MYO1H: variants seen among roughly 807,000 people sequenced by gnomAD.
MYO1H encodes myosin IH.
Under a neutral mutation model 149.3 loss-of-function variants are expected in MYO1H, and 118 were observed. That is an observed-to-expected ratio of 0.79 (90% CI 0.68 to 0.92). The LOEUF is 0.92. Ranked by LOEUF, MYO1H falls within the 40% of genes least tolerant of loss-of-function variation. The probability of loss-of-function intolerance (pLI) is 0.00; values close to 1 mark genes in which losing one functional copy is unlikely to be tolerated. For missense variants in MYO1H, 1,212 were observed against 1,280.7 expected (o/e 0.95, Z 0.82); for synonymous variants, 447 against 465.2 (o/e 0.96, Z 0.50).
chr12:109,364,433 T>A (rs1868823870), intron 1 of MYO1H, among the ~76,000 whole-genome samples: 1 of 152,088 alleles, frequency 6.6e-6, no homozygotes, highest in Admixed American at 6.6e-5. Flanking sequence ...GGCTCAATCC[T>A]CCCACCTCAG....
At chr12:109,330,300 A>C in the MYO1H span, among the ~76,000 whole-genome samples, 4 of 152,234 alleles carry the variant, frequency 2.6e-5, no homozygotes, top group African/African-American at 9.6e-5. Flanking sequence ...ACATATATAC[A>C]TACACACATG....
intron 1 of MYO1H, among the ~76,000 whole-genome samples, chr12:109,384,224 C>A (rs1465943213): frequency 6.6e-6 from 1 of 152,210 alleles, no homozygotes; most frequent in African/African-American, 2.4e-5. Context: ...TTGACTCAGT[C>A]ATGGTACCTG....
chr12:109,431,583 G>A (rs1044737264), intron 19 of MYO1H, among the ~76,000 whole-genome samples: 1 of 152,142 alleles, frequency 6.6e-6, no homozygotes, highest in African/African-American at 2.4e-5. Flanking sequence ...CCGCTCCGGA[G>A]CTGGGCTGGA....
At chr12:109,402,520 C>T (rs1430827167) in intron 6 of MYO1H, among the ~76,000 whole-genome samples, 1 of 152,172 alleles carries the variant, frequency 6.6e-6, no homozygotes. Context: ...TGTATCCCAA[C>T]ACTTTGGGAG....
the MYO1H span, among the ~76,000 whole-genome samples, chr12:109,323,535 G>T: frequency 1.3e-5 from 2 of 152,182 alleles, no homozygotes; most frequent in Non-Finnish European, 2.9e-5. Context: ...TAGGTCCCTT[G>T]AGGATCTTAT....
intron 2 of MYO1H, 111 bp from the exon 3 acceptor site, chr12:109,393,220 C>A: frequency 1.4e-6 from 1 of 704,144 alleles, no homozygotes; most frequent in Non-Finnish European, 2.5e-6. Context: ...GAGACCCCGC[C>A]TGATTTATCA....
In MYO1H at chr12:109,427,472, A is replaced by T. The variant is rs755484306; in HGVS notation, c.1835A>T (p.Lys612Ile). ...TCTCTGTTCTATTTCTCCAAAGGCA[A>T]ATTTGATGACTTCCTCATAAGGCAT... Residue 612 changes from lysine (K) to isoleucine (I), a missense_variant, in exon 19 of 32, where the codon AAA (lysine) becomes ATA (isoleucine). Physicochemically the swap from Lys to Ile is moderately radical, Grantham distance 102. Coordinates refer to ENST00000310903, the Ensembl canonical transcript of MYO1H. 15 of 1,608,210 alleles carry T rather than the reference A, an allele frequency of 9.3e-6. No individual in the cohort carries two copies. In the Admixed American group the frequency reaches 1.7e-4, roughly 18 times the overall value.
At chr12:109,382,225 A>G (rs1288938567) in intron 1 of MYO1H, among the ~76,000 whole-genome samples, 1 of 152,172 alleles carries the variant, frequency 6.6e-6, no homozygotes, top group Non-Finnish European at 1.5e-5. Flanking sequence ...GCCAAAACCA[A>G]TCAATCTTGT....
At chr12:109,343,878 A>G (rs569948607), upstream of MYO1H, among the ~76,000 whole-genome samples, 1 of 152,272 alleles carries the variant, frequency 6.6e-6, no homozygotes, top group African/African-American at 2.4e-5. Context: ...TGTACAAGGC[A>G]TTGCACTAGG....
chr12:109,377,533 C>A (rs185783418), intron 1 of MYO1H, among the ~76,000 whole-genome samples: 1 of 152,150 alleles, frequency 6.6e-6, no homozygotes, highest in African/African-American at 2.4e-5. Context: ...GAAGGCCCCA[C>A]CTCCAACACT....
chr12:109,396,699 A>G (rs1014767087), intron 4 of MYO1H, 117 bp downstream of exon 4: 13 of 819,474 alleles, frequency 1.6e-5, no homozygotes, highest in Admixed American at 3.0e-5. Flanking sequence ...AAGAGGTCAC[A>G]CAGATAGTGT....
chr12:109,410,690 G>A lies in MYO1H; in HGVS notation c.1332G>A (p.Trp444Ter). The A allele has an allele frequency of 6.3e-7, 1 of 1,593,210 alleles. No homozygotes were observed. Among genetic ancestry groups the A allele is most frequent in the Non-Finnish European group, 8.6e-7 (1 of 1,165,638 alleles). Residue 444 changes from tryptophan to a stop codon, truncating the protein, a stop_gained and splice_region_variant, in exon 13 of 32, where the codon TGG (tryptophan) becomes TGA (stop). Coordinates refer to ENST00000310903, the Ensembl canonical transcript of MYO1H. LOFTEE classifies it high-confidence loss of function. Reference sequence around the variant, plus strand: ...TTCATTCCTCTTTGTCATTTTAGTGGGAGCCAATTAAATATTTCAACAACA... The same window carrying A: ...TTCATTCCTCTTTGTCATTTTAGTGAGAGCCAATTAAATATTTCAACAACA...
chr12:109,330,629 A>G, the MYO1H span, among the ~76,000 whole-genome samples: 1 of 152,168 alleles, frequency 6.6e-6, no homozygotes, highest in Non-Finnish European at 1.5e-5. Flanking sequence ...TATTTCAGGA[A>G]CCATCAGTCC....
the MYO1H span, among the ~76,000 whole-genome samples, chr12:109,317,317 T>C: frequency 6.6e-6 from 1 of 152,226 alleles, no homozygotes; most frequent in Non-Finnish European, 1.5e-5. Context: ...AGTCTGTTTC[T>C]ATTTAAATAA....
chr12:109,409,100 T>A (rs1870524404), intron 10 of MYO1H, among the ~76,000 whole-genome samples: 1 of 152,090 alleles, frequency 6.6e-6, no homozygotes, highest in Admixed American at 6.6e-5. Context: ...CTGAAATAAA[T>A]ACATCATCTT....
intron 1 of MYO1H, among the ~76,000 whole-genome samples, chr12:109,351,090 G>T (rs916392973): frequency 5.3e-5 from 8 of 152,236 alleles, no homozygotes; most frequent in Non-Finnish European, 8.8e-5. Flanking sequence ...TAGTAGGCAG[G>T]TTCACTAGAA....
chr12:109,396,828 T>TG (rs1869935821), intron 4 of MYO1H, among the ~76,000 whole-genome samples: 3 of 110,788 alleles, frequency 2.7e-5, no homozygotes, highest in African/African-American at 7.5e-5. Context: ...TTTTTTTTTT[T>TG]TTTTTTTTTT....
chr12:109,405,861 C>T (rs9888381), intron 7 of MYO1H, 61 bp from the exon 8 acceptor site: 138,340 of 1,179,928 alleles, frequency 0.12, 11,689 homozygotes, highest in African/African-American at 0.41. Context: ...ATCAATTAGG[C>T]GGCCACCGTT....
intron 18 of MYO1H, 119 bp downstream of exon 18, chr12:109,426,170 G>T (rs1871345720): frequency 2.8e-6 from 2 of 715,748 alleles, no homozygotes; most frequent in Non-Finnish European, 2.5e-6. Flanking sequence ...CTCTGGATGT[G>T]AATCATTTTC....
Sources: gnomAD v4.1 joint callset for allele counts (sites outside exome capture counted in the v4.1 genomes callset) on GRCh38, gnomAD v4.1.1 for gene constraint, MANE v1.5 for transcripts, NCBI Gene and HGNC (gene_info 2026-07-23, HGNC 2026-07-21) for gene names.